GRID2: variants seen among roughly 807,000 people sequenced by gnomAD.
The protein encoded by GRID2 is glutamate receptor ionotropic, delta-2.
GRID2 carries 33 observed loss-of-function variants against 114.8 expected under a neutral mutation model. The observed-to-expected ratio is 0.29, with a 90% CI of 0.22 to 0.38. The LOEUF (loss-of-function observed/expected upper bound fraction) is 0.38. Among genes scored for constraint, GRID2 ranks in the 10% least tolerant of loss-of-function variants. The pLI is 1.00. For synonymous variants in GRID2, 505 were observed against 449.9 expected (o/e 1.12, Z -1.55); for missense variants, 1,184 against 1,257.7 (o/e 0.94, Z 0.89).
At chr4:93,006,728 A>G (rs1273462980) in intron 2 of GRID2, among the ~76,000 whole-genome samples, 1 of 152,014 alleles carries the variant, frequency 6.6e-6, no homozygotes, top group Non-Finnish European at 1.5e-5. Flanking sequence ...TAAAGGCAAT[A>G]AAATTTTCTC....
At chr4:93,501,349 T>A (rs552993197) in intron 12 of GRID2, among the ~76,000 whole-genome samples, 1 of 152,052 alleles carries the variant, frequency 6.6e-6, no homozygotes, top group South Asian at 2.1e-4. Flanking sequence ...CACACTTTAT[T>A]AGGAGGAGCC....
chr4:92,535,271 T>C (rs901988231), intron 1 of GRID2, among the ~76,000 whole-genome samples: 2 of 152,210 alleles, frequency 1.3e-5, no homozygotes, highest in African/African-American at 4.8e-5. Flanking sequence ...GCGTAACTTT[T>C]AAGTGTTGTT....
chr4:93,397,218 A>T (rs540944119), intron 9 of GRID2, among the ~76,000 whole-genome samples: 1 of 152,094 alleles, frequency 6.6e-6, no homozygotes, highest in East Asian at 1.9e-4. Context: ...TGGCCCATAA[A>T]TTATTCCTAG....
Position 92,530,048 on chromosome 4 carries a change from G to GTT in GRID2, c.89-60072_89-60071dup, listed in dbSNP as rs35734039. On this transcript the variant is annotated intron_variant, in intron 1 of 15. Transcript: ENST00000282020. ...AGTAAGAAAGAGAAGGATAAGAAGG[G>GTT]TTTTTTTTTTTTGAATAAATAAGAA... Among the ~76,000 whole-genome samples, 904 of 145,568 alleles carry GTT rather than the reference G, an allele frequency of 6.2e-3. 2 individuals are homozygous for GTT. Among genetic ancestry groups the GTT allele is most frequent in the African/African-American group, 0.016 (631 of 39,836 alleles).
At chr4:92,958,990 A>G (rs1752610533) in intron 2 of GRID2, among the ~76,000 whole-genome samples, 2 of 149,062 alleles carry the variant, frequency 1.3e-5, no homozygotes, top group Non-Finnish European at 3.0e-5. Context: ...TATCATTTGC[A>G]TGTCCATTAG....
intron 8 of GRID2, among the ~76,000 whole-genome samples, chr4:93,326,737 C>T (rs977125691): frequency 6.6e-6 from 1 of 152,104 alleles, no homozygotes; most frequent in African/African-American, 2.4e-5. Context: ...CTGTCCTAAG[C>T]AGTTAAATCT....
At chr4:93,208,709 A>G (rs1365752566) in intron 5 of GRID2, among the ~76,000 whole-genome samples, 1 of 151,922 alleles carries the variant, frequency 6.6e-6, no homozygotes, top group African/African-American at 2.4e-5. Flanking sequence ...ACACCTTACA[A>G]GTCTGTTTTT....
At chr4:92,645,517 T>C (rs1731566698) in intron 2 of GRID2, among the ~76,000 whole-genome samples, 1 of 151,800 alleles carries the variant, frequency 6.6e-6, no homozygotes, top group Admixed American at 6.6e-5. Context: ...ACTTTACATA[T>C]TGAGCATAAA....
At chr4:93,501,962 C>T (rs1728153236) in intron 12 of GRID2, among the ~76,000 whole-genome samples, 1 of 151,950 alleles carries the variant, frequency 6.6e-6, no homozygotes, top group South Asian at 2.1e-4. Context: ...ACTTCCTCCC[C>T]TTACTGAAGT....
At chr4:93,442,819 T>C (rs1056493143) in intron 10 of GRID2, among the ~76,000 whole-genome samples, 7 of 152,054 alleles carry the variant, frequency 4.6e-5, no homozygotes, top group Admixed American at 3.9e-4. Context: ...TTCAGCATTT[T>C]CCATTTCTAA....
intron 14 of GRID2, among the ~76,000 whole-genome samples, chr4:93,710,283 C>T (rs1471565724): frequency 6.6e-6 from 1 of 152,198 alleles, no homozygotes; most frequent in African/African-American, 2.4e-5. Flanking sequence ...GCCATATATA[C>T]ATTAGGGGGC....
intron 8 of GRID2, among the ~76,000 whole-genome samples, chr4:93,292,235 T>C (rs1753830714): frequency 6.6e-6 from 1 of 152,196 alleles, no homozygotes; most frequent in Non-Finnish European, 1.5e-5. Flanking sequence ...CCATATCTTC[T>C]GGCATAAATA....
chr4:92,926,698 G>A (rs1749834414), intron 2 of GRID2, among the ~76,000 whole-genome samples: 1 of 151,860 alleles, frequency 6.6e-6, no homozygotes, highest in Non-Finnish European at 1.5e-5. Context: ...GTTTTGTGCT[G>A]CTAAAAGAGA....
chr4:92,631,357 C>T (rs1172674937), intron 2 of GRID2, among the ~76,000 whole-genome samples: 4 of 152,000 alleles, frequency 2.6e-5, no homozygotes, highest in South Asian at 2.1e-4. Flanking sequence ...GATTATCTAT[C>T]GTTAGTCAGG....
intron 2 of GRID2, among the ~76,000 whole-genome samples, chr4:92,815,684 AG>A (rs1398230521): frequency 6.6e-6 from 1 of 151,814 alleles, no homozygotes; most frequent in Non-Finnish European, 1.5e-5. Flanking sequence ...AGGCTGAGGC[AG>A]GGGGATTGCT....
chr4:93,490,605 G>A (rs753980030), intron 11 of GRID2, 34 bp from the exon 12 acceptor site: 2 of 1,555,836 alleles, frequency 1.3e-6, no homozygotes, highest in Admixed American at 1.7e-5. Flanking sequence ...AATACTAGTT[G>A]ATGTTCTTTT....
At position 92,847,493 on chromosome 4, in the gene GRID2, C is replaced by T. The variant is rs192090635; in HGVS notation, c.245-237502C>T. Among the ~76,000 whole-genome samples, 6 of 152,036 alleles carry T rather than the reference C, an allele frequency of 3.9e-5. No individual in the cohort carries two copies. In the East Asian group the frequency reaches 1.2e-3, roughly 29 times the overall value. On this transcript the variant is annotated intron_variant, in intron 2 of 15. Transcript: ENST00000282020. ...TCCTGCTCTTTAATATTTTAAAATCCCCTTCTCCTAGGCTGCATTTGTGCC... is the reference window on the plus strand; with the variant it reads ...TCCTGCTCTTTAATATTTTAAAATCTCCTTCTCCTAGGCTGCATTTGTGCC...
chr4:92,471,932 T>C (rs1026926763), intron 1 of GRID2, among the ~76,000 whole-genome samples: 4 of 49,654 alleles, frequency 8.1e-5, no homozygotes, highest in Admixed American at 4.8e-4. Flanking sequence ...ATTTCTTTTT[T>C]TTTTTTTTTT....
At chr4:92,648,010 C>A (rs1192734380) in intron 2 of GRID2, among the ~76,000 whole-genome samples, 1 of 149,420 alleles carries the variant, frequency 6.7e-6, no homozygotes. Flanking sequence ...TACTTTGTAC[C>A]CTGTTAAAAA....
Sources: gnomAD v4.1 joint callset for allele counts (sites outside exome capture counted in the v4.1 genomes callset) on GRCh38, gnomAD v4.1.1 for gene constraint, MANE v1.5 for transcripts, NCBI Gene and HGNC (gene_info 2026-07-23, HGNC 2026-07-21) for gene names.